Variants in MYBPC3 observed in about 807,000 individuals in gnomAD.
MYBPC3 encodes myosin-binding protein C, cardiac-type.
In MYBPC3, 108 loss-of-function variants were observed where a neutral mutation model predicts 159.3. The observed-to-expected ratio is 0.68, with a 90% CI of 0.58 to 0.80. The LOEUF is 0.80. Ranked by LOEUF, MYBPC3 falls within the 30% of genes least tolerant of loss-of-function variation. The pLI is 0.00. For missense variants in MYBPC3, 1,631 were observed against 1,762.1 expected (o/e 0.93, Z 1.33); for synonymous variants, 730 against 702.0 (o/e 1.04, Z -0.63).
chr11:47,339,812 T>C (rs1408787540), intron 20 of MYBPC3, 22 bp from the exon 21 acceptor site: 3 of 1,606,092 alleles, frequency 1.9e-6, no homozygotes, highest in Non-Finnish European at 1.7e-6. Context: ...ACAATGTAGT[T>C]CAGAGAAACG....
At chr11:47,340,238 GAC>G (rs1595845131) in intron 20 of MYBPC3, among the ~76,000 whole-genome samples, 1 of 84,012 alleles carries the variant, frequency 1.2e-5, no homozygotes, top group African/African-American at 6.2e-5. Flanking sequence ...CACACACACA[GAC>G]ACAGACACAC....
intron 20 of MYBPC3, among the ~76,000 whole-genome samples, chr11:47,340,293 G>A (rs1477578009): frequency 4.0e-5 from 6 of 151,478 alleles, no homozygotes; most frequent in Admixed American, 6.6e-5. Context: ...ACACACACGC[G>A]CGCACACATG....
In MYBPC3 at chr11:47,342,158, T is replaced by TGCAGG; in HGVS notation, c.1625-7_1625-3dup. ...TCTGGTACACCTCCAGCTTCTTTTC[T>TGCAGG]GCAGGGCAGGGCAGAGCCATTGAGC... is the stretch of plus-strand genomic sequence containing the variant. On this transcript the variant is annotated splice_region_variant and splice_polypyrimidine_tract_variant and intron_variant, in intron 17 of 34. Coordinates refer to ENST00000545968, the MANE Select transcript of MYBPC3 (RefSeq NM_000256.3). 1 of 1,613,880 alleles carries TGCAGG rather than the reference T, an allele frequency of 6.2e-7. No individual in the cohort carries two copies. The highest frequency in any genetic ancestry group is 8.5e-7 in the Non-Finnish European group (1 of 1,179,826).
intron 12 of MYBPC3, among the ~76,000 whole-genome samples, chr11:47,345,185 T>C (rs2095892934): frequency 6.6e-6 from 1 of 152,238 alleles, no homozygotes; most frequent in Non-Finnish European, 1.5e-5. Context: ...CTTTTCCTCC[T>C]TGGGCACCTA....
Position 47,335,930 on chromosome 11 carries a change from C to T in MYBPC3, c.2684G>A (p.Arg895His), listed in dbSNP as rs372628478. 60 of 1,556,254 alleles carry T rather than the reference C, an allele frequency of 3.9e-5. No individual in the cohort carries two copies. In the African/African-American group the frequency reaches 6.0e-4, roughly 16 times the overall value. Residue 895 changes from arginine to histidine, a missense_variant, in exon 26 of 35, where the codon CGC becomes CAC. Transcript: ENST00000545968. ...GCCATCCAGGCCTCCTGCTCCCACG[C>T]GCTCTGGGGGCCGCCACTTGAGGGA... ...TVSLKWRPPE[R>H]VGAGGLDGYS... is the part of the protein sequence containing the mutation.
In MYBPC3 at chr11:47,332,086, C is replaced by G; in HGVS notation, c.3800G>C (p.Arg1267Pro). ...NLQGEARCECRLEVRVPQ is the reference protein window; with the variant it reads ...NLQGEARCECPLEVRVPQ The stretch of plus-strand genomic sequence containing the variant: ...GGGCTCCTCACCTCGCACCTCCAGG[C>G]GGCACTCACACCGTGCCTCGCCCTG... The change falls in exon 33 of 35, where the codon CGC (arginine) becomes CCC (proline). Residue 1267 changes from arginine to proline, a missense_variant. Coordinates refer to ENST00000545968, the MANE Select transcript of MYBPC3 (RefSeq NM_000256.3). This position sits in a 1 kb window ranked among gnomAD's most constrained non-coding sequence, Gnocchi z 4.2. 1 of 1,610,214 alleles carries G rather than the reference C, an allele frequency of 6.2e-7. No homozygotes were observed. The highest frequency in any genetic ancestry group is 8.5e-7 in the Non-Finnish European group (1 of 1,177,620).
rs553644150 is a variant in MYBPC3 at position 47,352,689 on chromosome 11, C to T, written c.-42G>A. On this transcript the variant is annotated 5_prime_UTR_variant, in exon 1 of 35. It adds an upstream start codon to the 5' untranslated region. Coordinates refer to ENST00000545968, the MANE Select transcript of MYBPC3 (RefSeq NM_000256.3). ...CCAGGCACGAAGCAGGCACAGGTCA[C>T]CCAAAGAGGGACTGAGTGGGGTCCT... 6 of 1,552,400 alleles carry T rather than the reference C, an allele frequency of 3.9e-6. No homozygotes were observed. In the East Asian group the frequency reaches 1.5e-4, roughly 39 times the overall value.
rs998830658 is a variant in MYBPC3, at chr11:47,338,734, AGCCTCC to A, written c.2149-61_2149-56del. 1.2e-4 allele frequency: 181 copies of A among 1,524,640 alleles called. No homozygotes were observed. Among genetic ancestry groups the A allele is most frequent in the Non-Finnish European group, 1.4e-4 (164 of 1,134,856 alleles). The allele number at this position is 1,524,640 out of a possible 1,614,324, so 94.4% of individuals were successfully genotyped here. ...CAAGTCAGACCCCAGAGGCCCTTGC[AGCCTCC>A]GCCAACAGCCAGATGTCCCGGGGGT... is the stretch of plus-strand genomic sequence containing the variant. On this transcript the variant is annotated intron_variant, in intron 22 of 34. Transcript: ENST00000545968. The surrounding 1 kb of genome is among the most constrained non-coding windows in gnomAD (Gnocchi z 4.7).
Position 47,338,340 on chromosome 11 carries a change from T to G in MYBPC3, c.2308+180A>C, listed in dbSNP as rs1157552151. On this transcript the variant is annotated intron_variant, in intron 23 of 34. Transcript: ENST00000545968. The surrounding 1 kb of genome is among the most constrained non-coding windows in gnomAD (Gnocchi z 4.7). Reference sequence around the variant, plus strand: ...GCAGTGTCGCAGGAAATCTGCTGGATGCATCTGCCTCCATCTCCCCCAGAG... The same window carrying G: ...GCAGTGTCGCAGGAAATCTGCTGGAGGCATCTGCCTCCATCTCCCCCAGAG... 6.6e-6 allele frequency among the ~76,000 whole-genome samples: 1 copy of G among 152,202 alleles called. No individual in the cohort carries two copies. Among genetic ancestry groups the G allele is most frequent in the African/African-American group, 2.4e-5 (1 of 41,454 alleles).
intron 28 of MYBPC3, 41 bp downstream of exon 28, chr11:47,333,881 G>A (rs2095879856): frequency 2.6e-6 from 4 of 1,555,266 alleles, no homozygotes; most frequent in Non-Finnish European, 3.5e-6. Context: ...ACACACTATA[G>A]CCTCTCTCCC....
Position 47,343,719 on chromosome 11 carries a change from C to G in MYBPC3, c.1091-95G>C, listed in dbSNP as rs940521893. 49 of 1,263,022 alleles carry G rather than the reference C, an allele frequency of 3.9e-5. No individual in the cohort carries two copies. In the Admixed American group the frequency reaches 7.9e-4, roughly 20 times the overall value. The allele number at this position is 1,263,022 out of a possible 1,614,324, so 78.2% of individuals were successfully genotyped here. On this transcript the variant is annotated intron_variant, in intron 12 of 34. Coordinates refer to ENST00000545968, the MANE Select transcript of MYBPC3 (RefSeq NM_000256.3). ...GCTGTGGCTGGGGCCCAGGTCCCCC[C>G]CTCCAATCCCCTCTGTGCCGCCCCG...
rs138753870 is a variant in MYBPC3 at position 47,349,779 on chromosome 11, T to C, written c.649A>G (p.Ser217Gly). Residue 217 changes from serine (S) to glycine (G), a missense_variant, in exon 5 of 35, where the codon AGC (serine) becomes GGC (glycine). By Grantham distance (56) the Ser-to-Gly change is moderately conservative (BLOSUM62 0). Transcript: ENST00000545968. ...LQLHDSYDRASKVYLFELHIT... is the reference protein window; with the variant it reads ...LQLHDSYDRAGKVYLFELHIT... The stretch of plus-strand genomic sequence containing the variant: ...CACGACCCCGGTGGACCCACCTTGC[T>C]GGCGCGGTCGTAGCTGTCGTGCAGC... 1,755 of 1,605,074 alleles carry C rather than the reference T, an allele frequency of 1.1e-3. 22 individuals are homozygous for C. The highest frequency in any genetic ancestry group is 0.011 in the South Asian group (970 of 90,762).
chr11:47,332,141 C>T lies in MYBPC3; in HGVS notation c.3745G>A (p.Gly1249Ser). The T allele has an allele frequency of 6.2e-7, 1 of 1,613,768 alleles. No individual in the cohort carries two copies. The highest frequency in any genetic ancestry group is 1.1e-5 in the South Asian group (1 of 91,092). The change falls in exon 33 of 35, where the codon GGC becomes AGC. Residue 1249 changes from glycine (G) to serine (S), a missense_variant. By Grantham distance (56) the Gly-to-Ser change is moderately conservative. Coordinates refer to ENST00000545968, the MANE Select transcript of MYBPC3 (RefSeq NM_000256.3). The surrounding 1 kb of genome is among the most constrained non-coding windows in gnomAD (Gnocchi z 4.2). ...TTGGTGGCCCTGCAGACATAGATGCCCCCGTCAAAGGGGCAGGGCTTTCTA... is the reference window on the plus strand; with the variant it reads ...TTGGTGGCCCTGCAGACATAGATGCTCCCGTCAAAGGGGCAGGGCTTTCTA... ...EIRKPCPFDG[G>S]IYVCRATNLQ...
chr11:47,348,733 G>T (rs779391935), intron 5 of MYBPC3, among the ~76,000 whole-genome samples, 192 bp from the exon 6 acceptor site: 1 of 151,116 alleles, frequency 6.6e-6, no homozygotes, highest in African/African-American at 2.4e-5. Flanking sequence ...GTGAAATTCC[G>T]TCTCTACTAA....
Position 47,332,920 on chromosome 11 carries a change from C to G in MYBPC3, c.3384G>C (p.Glu1128Asp), listed in dbSNP as rs375116558. The G allele has an allele frequency of 2.5e-4, 397 of 1,610,176 alleles. No individual in the cohort carries two copies. The highest frequency in any genetic ancestry group is 3.3e-4 in the Non-Finnish European group (392 of 1,178,480). Residue 1128 changes from glutamate to aspartate, a missense_variant, in exon 31 of 35, where the codon GAG becomes GAC. Transcript: ENST00000545968. This position sits in a 1 kb window ranked among gnomAD's most constrained non-coding sequence, Gnocchi z 4.2. ...HYRRTHCVVP[E>D]LIIGNGYYFR... ...AGTAGTAGCCATTGCCAATGATGAG[C>G]TCTGGCACCACGCAGTGGGTGCGGC...
intron 5 of MYBPC3, among the ~76,000 whole-genome samples, chr11:47,348,769 G>T (rs2095897169): frequency 6.6e-6 from 1 of 151,108 alleles, no homozygotes; most frequent in Non-Finnish European, 1.5e-5. Context: ...GCCAAGTATG[G>T]TGGTGCACAC....
At position 47,352,232 on chromosome 11, in the gene MYBPC3, G is replaced by A. The variant is rs2095901639; in HGVS notation, c.25+391C>T. Reference sequence around the variant, plus strand: ...GAGACTGAGACCCATAGTGGGTAGAGACTGGTCTGAAGGCATGCCGTGAGC... The same window carrying A: ...GAGACTGAGACCCATAGTGGGTAGAAACTGGTCTGAAGGCATGCCGTGAGC... On this transcript the variant is annotated intron_variant, in intron 1 of 34. Coordinates refer to ENST00000545968, the MANE Select transcript of MYBPC3 (RefSeq NM_000256.3). Among the ~76,000 whole-genome samples the A allele has an allele frequency of 7.9e-5, 12 of 152,144 alleles. 1 individual carries two copies. The South Asian group carries it at 1.9e-3, about 24-fold the overall frequency.
At chr11:47,334,603 C>A (rs1455318255) in intron 27 of MYBPC3, among the ~76,000 whole-genome samples, 1 of 151,990 alleles carries the variant, frequency 6.6e-6, no homozygotes, top group Admixed American at 6.6e-5. Context: ...CTCTGTCACC[C>A]AGACTGGAGT....
At position 47,333,977 on chromosome 11, in the gene MYBPC3, C is replaced by A; in HGVS notation, c.2939G>T (p.Arg980Leu). ...CCCGACCTTCTTCTGAATGGTCTGG[C>A]GCAGGTGCCTGGGCAGCTGAAGCCG... ...RPRLQLPRHL[R>L]QTIQKKVGEP... Residue 980 changes from arginine (R) to leucine (L), a missense_variant, in exon 28 of 35, where the codon CGC (arginine) becomes CTC (leucine). Transcript: ENST00000545968. 1.3e-6 allele frequency: 2 copies of A among 1,585,546 alleles called. No homozygotes were observed. The highest frequency in any genetic ancestry group is 1.7e-6 in the Non-Finnish European group (2 of 1,166,278).
Sources: gnomAD v4.1 joint callset for allele counts (sites outside exome capture counted in the v4.1 genomes callset) on GRCh38, gnomAD v4.1.1 for gene constraint, Gnocchi (gnomAD v3.1) non-coding constraint, MANE v1.5 for transcripts, NCBI Gene and HGNC (gene_info 2026-07-23, HGNC 2026-07-21) for gene names.